SCD5: variants seen among roughly 807,000 people sequenced by gnomAD.
The protein encoded by SCD5 is stearoyl-CoA desaturase 5.
SCD5 carries 20 observed loss-of-function variants against 30.4 expected under a neutral mutation model. The observed-to-expected ratio is 0.66, with a 90% CI of 0.46 to 0.96. SCD5 has a LOEUF of 0.96. SCD5 is among the 40% of genes least tolerant of loss of function. The probability of loss-of-function intolerance (pLI) is 0.00; values close to 1 mark genes in which losing one functional copy is unlikely to be tolerated. For synonymous variants in SCD5, 173 were observed against 176.4 expected (o/e 0.98, Z 0.16); for missense variants, 381 against 443.3 (o/e 0.86, Z 1.26).
chr4:82,678,045 T>C lies in SCD5; in HGVS notation c.569+2662A>G, dbSNP rs547335227. On this transcript the variant is annotated intron_variant, in intron 3 of 4. Coordinates refer to ENST00000319540, the MANE Select transcript of SCD5 (RefSeq NM_001037582.3). The stretch of plus-strand genomic sequence containing the variant: ...AAAGAGCAGTATTCCTCTACCTTAA[T>C]CATTCTGGGGCTAGACCAGGCAACT... Among the ~76,000 whole-genome samples the C allele has an allele frequency of 2.1e-4, 32 of 152,138 alleles. No homozygotes were observed. In the South Asian group the frequency reaches 5.8e-3, roughly 28 times the overall value.
At chr4:82,739,699 AG>A (rs1560549269) in intron 1 of SCD5, among the ~76,000 whole-genome samples, 2 of 152,236 alleles carry the variant, frequency 1.3e-5, no homozygotes, top group Non-Finnish European at 2.9e-5. Context: ...AGAGGATTAC[AG>A]GGTAATTTAG....
intron 3 of SCD5, among the ~76,000 whole-genome samples, chr4:82,648,147 G>C (rs111725255): frequency 2.0e-5 from 3 of 152,216 alleles, no homozygotes; most frequent in African/African-American, 7.2e-5. Flanking sequence ...AGTCGGGCTG[G>C]ACCATCTTCC....
At chr4:82,661,123 T>C in intron 3 of SCD5, 1 of 1,568,982 alleles carries the variant, frequency 6.4e-7, no homozygotes, top group Non-Finnish European at 8.7e-7. Flanking sequence ...CCCAGGTTTG[T>C]TCAGCAAGGG....
chr4:82,772,437 A>G (rs1048253049), intron 1 of SCD5, among the ~76,000 whole-genome samples: 9 of 152,254 alleles, frequency 5.9e-5, no homozygotes, highest in African/African-American at 1.9e-4. Flanking sequence ...GAGCAGCCAC[A>G]TGACTTGTGC....
rs957476564 is a variant in SCD5 at position 82,630,280 on chromosome 4, A to C, written c.*1047T>G. 6.6e-6 allele frequency: 1 copy of C among 152,258 alleles called. No individual in the cohort carries two copies. Among genetic ancestry groups the C allele is most frequent in the Non-Finnish European group, 1.5e-5 (1 of 68,048 alleles). 9.4% of individuals were successfully genotyped at this position (152,258 alleles called of 1,614,324 possible). On this transcript the variant is annotated 3_prime_UTR_variant, in exon 5 of 5. Coordinates refer to ENST00000319540, the MANE Select transcript of SCD5 (RefSeq NM_001037582.3). ...TAGAGCATTAACAAGCTGTAAACAC[A>C]GCAAAAAAATAAACAAGAGCCATTT... is the stretch of plus-strand genomic sequence containing the variant.
At chr4:82,647,663 T>C (rs1355762827) in intron 3 of SCD5, among the ~76,000 whole-genome samples, 1 of 152,200 alleles carries the variant, frequency 6.6e-6, no homozygotes, top group East Asian at 1.9e-4. Context: ...TCAAGATTGA[T>C]TTGCTCCAGA....
intron 3 of SCD5, among the ~76,000 whole-genome samples, chr4:82,679,327 A>G (rs1728518485): frequency 6.6e-6 from 1 of 151,776 alleles, no homozygotes; most frequent in South Asian, 2.1e-4. Context: ...TTCTGCTATA[A>G]AACTTGATAC....
chr4:82,705,165 TG>T, intron 2 of SCD5, 117 bp downstream of exon 2: 2 of 1,275,420 alleles, frequency 1.6e-6, no homozygotes, highest in Non-Finnish European at 2.2e-6. Flanking sequence ...TGGGCGTGCT[TG>T]GGGCCTGAAC....
intron 1 of SCD5, among the ~76,000 whole-genome samples, chr4:82,755,183 G>C (rs560976399): frequency 1.2e-4 from 19 of 152,190 alleles, no homozygotes; most frequent in African/African-American, 4.1e-4. Flanking sequence ...ATGGGTAGGA[G>C]AATGTCGAAA....
At chr4:82,774,502 G>C (rs1289333142) in intron 1 of SCD5, among the ~76,000 whole-genome samples, 1 of 151,932 alleles carries the variant, frequency 6.6e-6, no homozygotes, top group Admixed American at 6.6e-5. Context: ...TAACTTTTTT[G>C]CTTTTGCTTT....
At chr4:82,687,000 G>C (rs2148823005) in intron 2 of SCD5, among the ~76,000 whole-genome samples, 1 of 152,064 alleles carries the variant, frequency 6.6e-6, no homozygotes, top group Non-Finnish European at 1.5e-5. Context: ...GTGAAACCCT[G>C]TCTCTACTAA....
intron 3 of SCD5, among the ~76,000 whole-genome samples, chr4:82,640,914 C>A (rs1414716185): frequency 6.6e-6 from 1 of 152,026 alleles, no homozygotes; most frequent in African/African-American, 2.4e-5. Flanking sequence ...GCTGCCCTGT[C>A]TTTTTGCTAA....
At chr4:82,676,951 G>T (rs1426196032) in intron 3 of SCD5, among the ~76,000 whole-genome samples, 1 of 152,218 alleles carries the variant, frequency 6.6e-6, no homozygotes, top group Non-Finnish European at 1.5e-5. Flanking sequence ...AGTATAGCTT[G>T]AAATGTGTTG....
intron 1 of SCD5, among the ~76,000 whole-genome samples, chr4:82,738,006 T>A (rs964521809): frequency 6.7e-6 from 1 of 148,738 alleles, no homozygotes; most frequent in Non-Finnish European, 1.5e-5. Flanking sequence ...TTTGCACGCA[T>A]CACCCAAATT....
intron 1 of SCD5, among the ~76,000 whole-genome samples, chr4:82,798,093 G>T (rs1352721325): frequency 6.6e-6 from 1 of 150,942 alleles, no homozygotes; most frequent in African/African-American, 2.4e-5. Flanking sequence ...GGGCGGGGGG[G>T]GGGCGGAAGT....
chr4:82,770,185 TCCCCACA>T (rs1721589801), intron 1 of SCD5, among the ~76,000 whole-genome samples: 1 of 151,272 alleles, frequency 6.6e-6, no homozygotes, highest in Admixed American at 6.6e-5. Context: ...CCTGCCCCCC[TCCCCACA>T]CCCCACGATA....
At chr4:82,661,102 TGA>T (rs1727995534) in intron 3 of SCD5, 1 of 1,606,144 alleles carries the variant, frequency 6.2e-7, no homozygotes, top group Non-Finnish European at 8.5e-7. Context: ...AGAAAATGAC[TGA>T]GAGTTCCACC....
chr4:82,678,085 T>C (rs1044151707), intron 3 of SCD5, among the ~76,000 whole-genome samples: 3 of 152,064 alleles, frequency 2.0e-5, no homozygotes, highest in Non-Finnish European at 4.4e-5. Context: ...GTGACCTCTA[T>C]AGTTTAGAAC....
chr4:82,728,059 T>A (rs1720545807), intron 1 of SCD5, among the ~76,000 whole-genome samples: 1 of 152,186 alleles, frequency 6.6e-6, no homozygotes. Context: ...CTCCTCTGTA[T>A]GTTTTTCCTG....
Sources: allele counts gnomAD v4.1 joint callset (sites outside exome capture counted in the v4.1 genomes callset), GRCh38; gene constraint gnomAD v4.1.1; transcripts MANE v1.5; gene names NCBI Gene and HGNC (gene_info 2026-07-23, HGNC 2026-07-21).